Variants in PCDHGA2 observed in about 807,000 individuals in gnomAD.
PCDHGA2 encodes protocadherin gamma subfamily A, 2.
Under a neutral mutation model 59.2 loss-of-function variants are expected in PCDHGA2, and 40 were observed. The observed-to-expected ratio is 0.68, with a 90% CI of 0.52 to 0.88. PCDHGA2 has a LOEUF of 0.88. PCDHGA2 is among the 40% of genes least tolerant of loss of function. The pLI is 0.00. For synonymous variants in PCDHGA2, 560 were observed against 526.0 expected (o/e 1.06, Z -0.89); for missense variants, 1,226 against 1,204.0 (o/e 1.02, Z -0.27).
At chr5:141,389,364 C>CT (rs963046088) in intron 1 of PCDHGA2, 1 of 1,613,736 alleles carries the variant, frequency 6.2e-7, no homozygotes, top group African/African-American at 1.3e-5. Context: ...GGCCAGTGAC[C>CT]TGGAGCAGCG....
intron 1 of PCDHGA2, chr5:141,388,157 C>T (rs750936402): frequency 1.4e-6 from 2 of 1,469,104 alleles, no homozygotes; most frequent in Non-Finnish European, 1.9e-6. Flanking sequence ...GCAGGCTAGA[C>T]AGGGAGGAGA....
chr5:141,375,327 T>A (rs1219155365), intron 1 of PCDHGA2: 2 of 1,613,686 alleles, frequency 1.2e-6, no homozygotes, highest in South Asian at 2.2e-5. Context: ...CGGGAAGAGG[T>A]ATTCTTGTAC....
chr5:141,400,164 C>G (rs1307583379), intron 1 of PCDHGA2: 1 of 1,614,086 alleles, frequency 6.2e-7, no homozygotes, highest in Admixed American at 1.7e-5. Context: ...TACCCTCTGA[C>G]CCCCAGGCTG....
chr5:141,488,540 A>C (rs901890616), intron 1 of PCDHGA2, among the ~76,000 whole-genome samples: 6 of 152,146 alleles, frequency 3.9e-5, no homozygotes, highest in Admixed American at 2.0e-4. Context: ...GCTAAGTCCC[A>C]TGTCAGCTGA....
At chr5:141,345,597 T>C (rs769804193) in intron 1 of PCDHGA2, 29 of 1,614,076 alleles carry the variant, frequency 1.8e-5, no homozygotes, top group Non-Finnish European at 2.4e-5. Flanking sequence ...ATCCTTCGAC[T>C]ACGAGCAATT....
chr5:141,366,139 G>GCTGT, intron 1 of PCDHGA2: 1 of 1,614,184 alleles, frequency 6.2e-7, no homozygotes, highest in East Asian at 2.2e-5. Context: ...AGAACGCCTG[G>GCTGT]CTGTCCTACC....
Position 141,350,759 on chromosome 5 carries a change from T to C in PCDHGA2, c.2424+9364T>C, listed in dbSNP as rs1758552070. The C allele has an allele frequency of 6.2e-7, 1 of 1,613,948 alleles. No individual in the cohort carries two copies. Among genetic ancestry groups the C allele is most frequent in the African/African-American group, 1.3e-5 (1 of 75,068 alleles). On this transcript the variant is annotated intron_variant, in intron 1 of 3. Coordinates refer to ENST00000394576, the MANE Select transcript of PCDHGA2 (RefSeq NM_018915.4). ...TGTGGAAGGCAATTCACTGAAGTTA[T>C]ACACCATCAACCCCAATCAATACTT...
intron 1 of PCDHGA2, chr5:141,365,999 G>A: frequency 1.9e-6 from 3 of 1,614,212 alleles, no homozygotes; most frequent in South Asian, 1.1e-5. Flanking sequence ...GGACCAGAAC[G>A]ACAATACGCC....
At position 141,371,231 on chromosome 5, in the gene PCDHGA2, T is replaced by C. The variant is rs770415345; in HGVS notation, c.2424+29836T>C. 5.6e-6 allele frequency: 9 copies of C among 1,613,934 alleles called. No homozygotes were observed. In the African/African-American group the frequency reaches 6.7e-5, roughly 12 times the overall value. ...AGGGCATCAATGCCGAAATCATCTA[T>C]GCCTTCATCAATATTGGCAAGGAAG... On this transcript the variant is annotated intron_variant, in intron 1 of 3. Coordinates refer to ENST00000394576, the MANE Select transcript of PCDHGA2 (RefSeq NM_018915.4).
At chr5:141,374,728 GGATGGCGGCGACCCT>G (rs1422312768) in intron 1 of PCDHGA2, 1 of 1,610,428 alleles carries the variant, frequency 6.2e-7, no homozygotes, top group Admixed American at 1.7e-5. Context: ...TTACTGCCAT[GGATGGCGGCGACCCT>G]GTCCGCTCAA....
intron 1 of PCDHGA2, chr5:141,372,194 C>T: frequency 6.2e-7 from 1 of 1,613,572 alleles, no homozygotes; most frequent in Non-Finnish European, 8.5e-7. Context: ...ACTCGGGATA[C>T]AACGCCTGGC....
intron 1 of PCDHGA2, chr5:141,344,176 T>A (rs751095809): frequency 6.2e-7 from 1 of 1,613,978 alleles, no homozygotes; most frequent in Non-Finnish European, 8.5e-7. Context: ...GTGGGCAACA[T>A]CGCTAACGAC....
intron 1 of PCDHGA2, chr5:141,423,757 G>T (rs562479446): frequency 7.3e-5 from 29 of 395,130 alleles, no homozygotes; most frequent in Non-Finnish European, 9.5e-5. Flanking sequence ...GTTTGGGGGG[G>T]GGGTGGGGCG....
At chr5:141,385,098 G>A (rs1175088584) in intron 1 of PCDHGA2, 2 of 1,614,080 alleles carry the variant, frequency 1.2e-6, no homozygotes, top group Non-Finnish European at 1.7e-6. Flanking sequence ...GTGGCTTGGC[G>A]AACGTGCCCA....
intron 1 of PCDHGA2, chr5:141,478,167 G>A: frequency 6.2e-7 from 1 of 1,613,772 alleles, no homozygotes; most frequent in Non-Finnish European, 8.5e-7. Context: ...TCTGCCCCCC[G>A]GGAGCAGAAA....
chr5:141,379,889 CTTTTTTTTTTTTTTTTT>C (rs70988800), intron 1 of PCDHGA2, among the ~76,000 whole-genome samples: 16 of 50,830 alleles, frequency 3.1e-4, no homozygotes, highest in East Asian at 2.5e-3. Flanking sequence ...GTGAAAGCCT[CTTTTTTTTTTTTTTTTT>C]TTTTTTTTTT....
In PCDHGA2 at chr5:141,432,361, G is replaced by A; in HGVS notation, c.2425-62446G>A. 1 of 1,614,230 alleles carries A rather than the reference G, an allele frequency of 6.2e-7. No individual in the cohort carries two copies. Among genetic ancestry groups the A allele is most frequent in the Non-Finnish European group, 8.5e-7 (1 of 1,180,050 alleles). On this transcript the variant is annotated intron_variant, in intron 1 of 3. Coordinates refer to ENST00000394576, the MANE Select transcript of PCDHGA2 (RefSeq NM_018915.4). The surrounding 1 kb of genome is among the most constrained non-coding windows in gnomAD (Gnocchi z 6.0). Reference sequence around the variant, plus strand: ...GAGACTTGCAAGTGAAAGTGATGGCGCGGGACAACGGGCACCCGCCCCTCA... The same window carrying A: ...GAGACTTGCAAGTGAAAGTGATGGCACGGGACAACGGGCACCCGCCCCTCA...
rs934206266 is a variant in PCDHGA2, at chr5:141,483,131, G to A, written c.2425-11676G>A. Among the ~76,000 whole-genome samples, 14 of 152,274 alleles carry A rather than the reference G, an allele frequency of 9.2e-5. No individual in the cohort carries two copies. The South Asian group carries it at 2.9e-3, about 32-fold the overall frequency. On this transcript the variant is annotated intron_variant, in intron 1 of 3. Transcript: ENST00000394576. ...AACAGACAGTCTTTGTAGGAGATGA[G>A]GTGAAGCAAGTAGGCAGGAGTTAGA...
chr5:141,394,962 A>G (rs971000405), intron 1 of PCDHGA2: 8 of 1,613,710 alleles, frequency 5.0e-6, no homozygotes, highest in Non-Finnish European at 6.8e-6. Context: ...GCTCAGGCTG[A>G]GGCGCTGGCA....
Sources: gnomAD v4.1 joint callset for allele counts (sites outside exome capture counted in the v4.1 genomes callset) on GRCh38, gnomAD v4.1.1 for gene constraint, Gnocchi (gnomAD v3.1) non-coding constraint, MANE v1.5 for transcripts, NCBI Gene and HGNC (gene_info 2026-07-23, HGNC 2026-07-21) for gene names.